HECW1: variants seen among roughly 807,000 people sequenced by gnomAD.
The protein encoded by HECW1 is HECT, C2 and WW domain containing E3 ubiquitin protein ligase 1.
A neutral mutation model predicts 182.3 loss-of-function variants in HECW1; 61 were observed. That is an observed-to-expected ratio of 0.33 (90% CI 0.27 to 0.41). HECW1 has a LOEUF of 0.41. Ranked by LOEUF, HECW1 falls within the 10% of genes least tolerant of loss-of-function variation. The pLI, the probability that HECW1 is intolerant of heterozygous loss-of-function variation, is 1.00. For missense variants in HECW1, 1,739 were observed against 2,108.9 expected, an observed-to-expected ratio of 0.82 and a Z score of 3.44; for synonymous variants, 859 against 832.6, an observed-to-expected ratio of 1.03 and a Z score of -0.55.
intron 2 of HECW1, among the ~76,000 whole-genome samples, chr7:43,167,832 C>T (rs1048819698): frequency 5.3e-4 from 81 of 152,190 alleles, no homozygotes; most frequent in African/African-American, 1.8e-3. Flanking sequence ...TGATCACTCA[C>T]ACTCTAACAC....
chr7:43,340,551 G>A (rs147270629), intron 5 of HECW1, among the ~76,000 whole-genome samples: 2 of 151,398 alleles, frequency 1.3e-5, no homozygotes, highest in East Asian at 1.9e-4. Flanking sequence ...GCAAGCAATA[G>A]CCCCAGGGAT....
At position 43,341,031 on chromosome 7, in the gene HECW1, A is replaced by C. The variant is rs556855996; in HGVS notation, c.461-19855A>C. Among the ~76,000 whole-genome samples the C allele has an allele frequency of 2.0e-3, 300 of 151,716 alleles. 9 individuals are homozygous for C. The highest frequency in any genetic ancestry group is 7.1e-3 in the African/African-American group (291 of 41,040). ...GCAGGGACTTGGATGAAGCTGGAAAACATCATTCTCAGCAAACTATCACAA... is the reference window on the plus strand; with the variant it reads ...GCAGGGACTTGGATGAAGCTGGAAACCATCATTCTCAGCAAACTATCACAA... On this transcript the variant is annotated intron_variant, in intron 5 of 29. Transcript: ENST00000395891.
chr7:43,192,097 T>C (rs1338386807), intron 2 of HECW1, among the ~76,000 whole-genome samples: 1 of 152,002 alleles, frequency 6.6e-6, no homozygotes, highest in Non-Finnish European at 1.5e-5. Flanking sequence ...GTAGCTGGGA[T>C]TACAGGCATC....
At chr7:43,357,119 A>G (rs73097676) in intron 5 of HECW1, among the ~76,000 whole-genome samples, 1,640 of 152,324 alleles carry the variant, frequency 0.011, 17 homozygotes, top group Middle Eastern at 0.034. Flanking sequence ...GCCCTCATAC[A>G]CTGCTGGTGG....
chr7:43,191,137 T>TTA (rs112134407), intron 2 of HECW1, among the ~76,000 whole-genome samples: 4,309 of 151,450 alleles, frequency 0.028, 190 homozygotes, highest in African/African-American at 0.098. Flanking sequence ...CACTCTTGGG[T>TTA]TATATATATA....
At chr7:43,517,300 C>T (rs965874069) in intron 24 of HECW1, among the ~76,000 whole-genome samples, 1 of 152,128 alleles carries the variant, frequency 6.6e-6, no homozygotes, top group African/African-American at 2.4e-5. Context: ...AAGAGGATCC[C>T]AAGGCCCTTT....
chr7:43,348,609 T>C (rs1813990903), intron 5 of HECW1, among the ~76,000 whole-genome samples: 1 of 152,154 alleles, frequency 6.6e-6, no homozygotes, highest in East Asian at 1.9e-4. Flanking sequence ...TGACTTAAAC[T>C]GTCTGTGCTC....
intron 3 of HECW1, among the ~76,000 whole-genome samples, chr7:43,305,296 G>A (rs774801961): frequency 6.6e-6 from 1 of 152,102 alleles, no homozygotes; most frequent in Non-Finnish European, 1.5e-5. Flanking sequence ...TAAGAACTTG[G>A]AGGAAGAAAA....
intron 8 of HECW1, among the ~76,000 whole-genome samples, chr7:43,427,599 C>T (rs955030878): frequency 6.6e-6 from 1 of 152,192 alleles, no homozygotes; most frequent in East Asian, 1.9e-4. Flanking sequence ...ACAAATTTAG[C>T]AACTTACAAG....
chr7:43,191,311 A>G (rs961684986), intron 2 of HECW1, among the ~76,000 whole-genome samples: 1 of 152,204 alleles, frequency 6.6e-6, no homozygotes, highest in African/African-American at 2.4e-5. Flanking sequence ...GGCCATTGAC[A>G]TACACTAGCT....
chr7:43,529,737 T>C (rs2080905309), intron 24 of HECW1, among the ~76,000 whole-genome samples: 1 of 152,086 alleles, frequency 6.6e-6, no homozygotes, highest in African/African-American at 2.4e-5. Context: ...GGCCCACCAG[T>C]CCCCATCTCC....
chr7:43,357,191 A>T (rs1018943782), intron 5 of HECW1, among the ~76,000 whole-genome samples: 1 of 152,190 alleles, frequency 6.6e-6, no homozygotes, highest in Admixed American at 6.5e-5. Context: ...TTAAAAATAG[A>T]ACTACCATAT....
At position 43,320,694 on chromosome 7, in the gene HECW1, C is replaced by A. The variant is rs755726737; in HGVS notation, c.412C>A (p.Arg138=). The change falls in exon 5 of 30, where the codon CGG becomes AGG. Residue 138 remains arginine (R), a synonymous_variant. Transcript: ENST00000395891. ...YKNRGVNGSH[R]GQIIWKIDAS... Reference sequence around the variant, plus strand: ...AAACCGTGGAGTCAATGGTTCTCATCGGGGCCAGATCATCTGGAAGATCGA... The same window carrying A: ...AAACCGTGGAGTCAATGGTTCTCATAGGGGCCAGATCATCTGGAAGATCGA... 1 of 1,614,138 alleles carries A rather than the reference C, an allele frequency of 6.2e-7. No homozygotes were observed. Among genetic ancestry groups the A allele is most frequent in the South Asian group, 1.1e-5 (1 of 91,080 alleles).
Position 43,444,582 on chromosome 7 carries a change from A to T in HECW1, c.1410A>T (p.Ala470=). 6.2e-7 allele frequency: 1 copy of T among 1,611,042 alleles called. No homozygotes were observed. Among genetic ancestry groups the T allele is most frequent in the Non-Finnish European group, 8.5e-7 (1 of 1,178,848 alleles). The stretch of plus-strand genomic sequence containing the variant: ...TGGACCTGGGTGAGGAGGCATCAGC[A>T]CTGCTGCTGGAAGACGGTGAAGCCC... The part of the protein sequence containing the change: ...EQLDLGEEAS[A]LLLEDGEAPA... Residue 470 remains alanine (A), a synonymous_variant, in exon 11 of 30, where the codon GCA becomes GCT. Coordinates refer to ENST00000395891, the MANE Select transcript of HECW1 (RefSeq NM_015052.5). This position sits in a 1 kb window ranked among gnomAD's most constrained non-coding sequence, Gnocchi z 4.3.
chr7:43,535,920 G>A (rs1274445362), intron 24 of HECW1, among the ~76,000 whole-genome samples: 1 of 152,174 alleles, frequency 6.6e-6, no homozygotes, highest in Non-Finnish European at 1.5e-5. Flanking sequence ...GAGGGAAGGG[G>A]TTGATGATAC....
chr7:43,284,828 G>A (rs1804412636), intron 3 of HECW1, among the ~76,000 whole-genome samples: 1 of 152,012 alleles, frequency 6.6e-6, no homozygotes, highest in African/African-American at 2.4e-5. Flanking sequence ...ATTTACATTT[G>A]ATGTTATTAA....
intron 4 of HECW1, among the ~76,000 whole-genome samples, chr7:43,313,338 C>CT (rs1562821590): frequency 2.7e-5 from 3 of 112,650 alleles, no homozygotes; most frequent in African/African-American, 1.1e-4. Context: ...GCCTAAAGAG[C>CT]ATTTTTTTTT....
At chr7:43,450,102 G>A (rs566555717) in intron 11 of HECW1, among the ~76,000 whole-genome samples, 4 of 152,056 alleles carry the variant, frequency 2.6e-5, no homozygotes, top group Admixed American at 2.6e-4. Context: ...TGTGTTTTGA[G>A]CTTTCCTGTC....
chr7:43,363,007 C>T (rs138210592), intron 6 of HECW1, among the ~76,000 whole-genome samples: 3 of 152,302 alleles, frequency 2.0e-5, no homozygotes, highest in East Asian at 3.9e-4. Context: ...AAATTCTTAC[C>T]TGAAGCACTT....
Sources: gnomAD v4.1 joint callset for allele counts (sites outside exome capture counted in the v4.1 genomes callset) on GRCh38, gnomAD v4.1.1 for gene constraint, Gnocchi (gnomAD v3.1) non-coding constraint, MANE v1.5 for transcripts, NCBI Gene and HGNC (gene_info 2026-07-23, HGNC 2026-07-21) for gene names.